FLT1: variants seen among roughly 807,000 people sequenced by gnomAD.
FLT1 encodes the protein fms related receptor tyrosine kinase 1, also known as vascular endothelial growth factor receptor 1.
In FLT1, 49 loss-of-function variants were observed where a neutral mutation model predicts 156.3. The ratio of observed to expected loss-of-function variants is 0.31; its 90% confidence interval spans 0.25 to 0.40. The LOEUF (loss-of-function observed/expected upper bound fraction) is 0.40. Among genes scored for constraint, FLT1 ranks in the 10% least tolerant of loss-of-function variants. The probability of loss-of-function intolerance (pLI) is 1.00; values close to 1 mark genes in which losing one functional copy is unlikely to be tolerated. For synonymous variants in FLT1, 594 were observed against 583.8 expected (o/e 1.02, Z -0.25); for missense variants, 1,322 against 1,637.2 (o/e 0.81, Z 3.32).
At chr13:28,360,505 T>TA (rs1366475028) in intron 14 of FLT1, among the ~76,000 whole-genome samples, 2 of 152,208 alleles carry the variant, frequency 1.3e-5, no homozygotes, top group African/African-American at 2.4e-5. Flanking sequence ...ACTACAGCCT[T>TA]AAAAAATAAC....
At chr13:28,392,752 C>A (rs1273877663) in intron 12 of FLT1, among the ~76,000 whole-genome samples, 1 of 152,186 alleles carries the variant, frequency 6.6e-6, no homozygotes. Context: ...ATTGCTAACA[C>A]ACCCATAGTC....
intron 14 of FLT1, among the ~76,000 whole-genome samples, chr13:28,372,060 ATATATATATATATATAT>A (rs1237016397): frequency 3.6e-4 from 26 of 73,026 alleles, no homozygotes; most frequent in Non-Finnish European, 4.9e-4. Context: ...ATATATATAT[ATATATATATATATATAT>A]TTTTTTTTTT....
chr13:28,419,496 A>G (rs1390314765), intron 10 of FLT1, among the ~76,000 whole-genome samples: 2 of 152,236 alleles, frequency 1.3e-5, no homozygotes, highest in African/African-American at 4.8e-5. Context: ...GGTTCTGCCA[A>G]TCTTCTTAAG....
chr13:28,427,178 G>C lies in FLT1; in HGVS notation c.1417C>G (p.His473Asp), dbSNP rs1877393768. 6.2e-7 allele frequency: 1 copy of C among 1,613,882 alleles called. No homozygotes were observed. The highest frequency in any genetic ancestry group is 1.7e-5 in the Admixed American group (1 of 59,998). ...CCCTACCTTGCTTCGGAATGATTAT[G>C]GTTACAGGGGTGCCAGAACCACTTG... ...TIKWFWHPCN[H>D]NHSEARCDFC... Residue 473 changes from histidine (H) to aspartate (D), a missense_variant, in exon 10 of 30, where the codon CAT (histidine) becomes GAT (aspartate). By Grantham distance (81) the His-to-Asp change is moderately conservative. Transcript: ENST00000282397.
intron 23 of FLT1, among the ~76,000 whole-genome samples, chr13:28,320,940 G>T (rs1871429735): frequency 6.6e-6 from 1 of 152,140 alleles, no homozygotes; most frequent in Admixed American, 6.5e-5. Flanking sequence ...CTAAAAACAA[G>T]CAGGGAAGAG....
At chr13:28,354,525 G>A (rs963376593) in intron 15 of FLT1, among the ~76,000 whole-genome samples, 1 of 152,132 alleles carries the variant, frequency 6.6e-6, no homozygotes, top group Non-Finnish European at 1.5e-5. Context: ...TTTGGACTAA[G>A]TATCCTCATT....
At chr13:28,427,709 G>A (rs746684983) in intron 9 of FLT1, 43 bp downstream of exon 9, 2 of 1,543,662 alleles carry the variant, frequency 1.3e-6, no homozygotes, top group Non-Finnish European at 1.8e-6. Flanking sequence ...TCACTAATTT[G>A]TTGCCTACCA....
intron 13 of FLT1, chr13:28,388,300 C>T (rs768492542): frequency 3.0e-4 from 312 of 1,057,454 alleles, no homozygotes; most frequent in Non-Finnish European, 3.2e-4. Context: ...GCAATTCCCA[C>T]GTGAAAGACA....
intron 15 of FLT1, among the ~76,000 whole-genome samples, chr13:28,355,389 T>C (rs1424251725): frequency 1.3e-5 from 2 of 152,218 alleles, no homozygotes; most frequent in African/African-American, 2.4e-5. Flanking sequence ...GTGCTGGGCA[T>C]GTGTACAGGA....
At chr13:28,404,706 C>A (rs1875672499) in intron 11 of FLT1, among the ~76,000 whole-genome samples, 2 of 152,058 alleles carry the variant, frequency 1.3e-5, no homozygotes, top group Non-Finnish European at 2.9e-5. Flanking sequence ...CAAGGGGATA[C>A]TTGATATGTT....
intron 25 of FLT1, among the ~76,000 whole-genome samples, chr13:28,312,795 T>G (rs982334439): frequency 6.6e-6 from 1 of 152,020 alleles, no homozygotes; most frequent in African/African-American, 2.4e-5. Flanking sequence ...CCCCCAGCAC[T>G]GCAAAGCCGC....
At chr13:28,447,022 G>T (rs1176867956) in intron 3 of FLT1, among the ~76,000 whole-genome samples, 1 of 151,834 alleles carries the variant, frequency 6.6e-6, no homozygotes, top group African/African-American at 2.4e-5. Context: ...CCATTCAGTG[G>T]GGAAAGAATA....
At chr13:28,387,192 C>T in intron 13 of FLT1, 1 of 1,036,534 alleles carries the variant, frequency 9.6e-7, no homozygotes, top group Non-Finnish European at 1.2e-6. Flanking sequence ...ATGGGACTCT[C>T]AATTAAATAC....
chr13:28,310,901 A>G (rs918004280), intron 27 of FLT1, among the ~76,000 whole-genome samples: 2 of 152,214 alleles, frequency 1.3e-5, no homozygotes, highest in African/African-American at 4.8e-5. Context: ...AAAAACATGT[A>G]AAGACACTTG....
chr13:28,416,145 G>T (rs1288109172), intron 10 of FLT1, among the ~76,000 whole-genome samples: 2 of 152,194 alleles, frequency 1.3e-5, no homozygotes, highest in African/African-American at 4.8e-5. Flanking sequence ...TGTCAGTGCT[G>T]TTAACTCCAT....
chr13:28,396,806 C>A, intron 12 of FLT1, 154 bp downstream of exon 12: 1 of 704,126 alleles, frequency 1.4e-6, no homozygotes, highest in Admixed American at 2.0e-5. Flanking sequence ...AGGTAGAATT[C>A]TATTCCTGAG....
chr13:28,447,386 T>C (rs1878681991), intron 3 of FLT1, among the ~76,000 whole-genome samples: 1 of 151,722 alleles, frequency 6.6e-6, no homozygotes. Flanking sequence ...AGGGTTTCAC[T>C]ATGTTGCCAG....
intron 8 of FLT1, 37 bp from the exon 9 acceptor site, chr13:28,427,958 C>A (rs369436839): frequency 6.4e-7 from 1 of 1,574,398 alleles, no homozygotes; most frequent in East Asian, 2.2e-5. Flanking sequence ...TCATTTCACA[C>A]GGCCTCTCAA....
At chr13:28,389,717 C>T (rs1164765134) in intron 13 of FLT1, 79 bp downstream of exon 13, 1 of 1,609,932 alleles carries the variant, frequency 6.2e-7, no homozygotes, top group Non-Finnish European at 8.5e-7. Context: ...TTTTACATTA[C>T]TTTGTGTGGT....
Sources: gnomAD v4.1 joint callset for allele counts (sites outside exome capture counted in the v4.1 genomes callset) on GRCh38, gnomAD v4.1.1 for gene constraint, MANE v1.5 for transcripts, NCBI Gene and HGNC (gene_info 2026-07-23, HGNC 2026-07-21) for gene names.